CLDN8: variants seen among roughly 807,000 people sequenced by gnomAD.
The protein encoded by CLDN8 is claudin-8.
In CLDN8, 2 loss-of-function variants were observed where a neutral mutation model predicts 2.2. The ratio of observed to expected loss-of-function variants is 0.90; its 90% CI spans 0.37 to 2.82. The LOEUF (loss-of-function observed/expected upper bound fraction) is 2.82. Among genes scored for constraint, CLDN8 ranks in the 30% most tolerant of loss-of-function variants. The pLI is 0.10. For missense variants in CLDN8, 314 were observed against 280.5 expected (o/e 1.12, Z -0.85); for synonymous variants, 107 against 104.8 (o/e 1.02, Z -0.13).
In CLDN8 at chr21:30,216,066, G is replaced by T; in HGVS notation, c.-141C>A. On this transcript the variant is annotated 5_prime_UTR_variant, in exon 1 of 1. Coordinates refer to ENST00000399899, the MANE Select transcript of CLDN8 (RefSeq NM_199328.3). ...CCCAGTGGTTTTTCAAATAAGAGCT[G>T]CTTTGCTACTTCTGGCCAGATAGTA... The T allele has an allele frequency of 1.3e-6, 1 of 748,288 alleles. No homozygotes were observed. The highest frequency in any genetic ancestry group is 2.0e-5 in the South Asian group (1 of 50,560). The allele number at this position is 748,288 out of a possible 1,614,324, so 46.4% of individuals were successfully genotyped here.
At position 30,215,595 on chromosome 21, in the gene CLDN8, T is replaced by A; in HGVS notation, c.331A>T (p.Asn111Tyr). 1.9e-6 allele frequency: 3 copies of A among 1,614,090 alleles called. No homozygotes were observed. Among genetic ancestry groups the A allele is most frequent in the Non-Finnish European group, 2.5e-6 (3 of 1,180,000 alleles). ...GMKCTRCTGD[N>Y]EKVKAHILLT... ...AGAATGTGAGCCTTCACCTTCTCAT[T>A]GTCCCCCGTGCACCTGGTGCATTTC... is the stretch of plus-strand genomic sequence containing the variant. Residue 111 changes from asparagine (N) to tyrosine (Y), a missense_variant, in exon 1 of 1, where the codon AAT (asparagine) becomes TAT (tyrosine). Asn to Tyr is a moderately radical substitution (Grantham distance 143). Coordinates refer to ENST00000399899, the MANE Select transcript of CLDN8 (RefSeq NM_199328.3).
In CLDN8 at chr21:30,215,806, G is replaced by A. The variant is rs375641409; in HGVS notation, c.120C>T (p.Ile40=). ...WRVSAFIENN[I]VVFENFWEGL... is the part of the protein sequence containing the mutation. ...CTTCCCAGAAGTTTTCAAAAACCAC[G>A]ATGTTGTTTTCAATGAAGGCCGACA... The change falls in exon 1 of 1, where the codon ATC becomes ATT. Residue 40 remains isoleucine, a synonymous_variant. Transcript: ENST00000399899. 1.2e-6 allele frequency: 2 copies of A among 1,613,862 alleles called. No homozygotes were observed. Among genetic ancestry groups the A allele is most frequent in the Admixed American group, 1.7e-5 (1 of 59,974 alleles).
chr21:30,215,366 CAAAA>C lies in CLDN8; in HGVS notation c.556_559del (p.Phe186ValfsTer54). 2 of 1,614,108 alleles carry C rather than the reference CAAAA, an allele frequency of 1.2e-6. No homozygotes were observed. The highest frequency in any genetic ancestry group is 1.7e-6 in the Non-Finnish European group (2 of 1,180,016). The stretch of plus-strand genomic sequence containing the variant: ...GTAGCTACTGCTCTTTTCGTTGCAA[CAAAA>C]AACGCAGCAGAACAGAGCTCCTCCA... On this transcript the variant is annotated frameshift_variant, in exon 1 of 1. Transcript: ENST00000399899. LOFTEE classifies it low-confidence loss of function (END_TRUNC).
In CLDN8 at chr21:30,215,238, A is replaced by T. The variant is rs373609628; in HGVS notation, c.*10T>A. 4.2e-5 allele frequency: 67 copies of T among 1,605,466 alleles called. No homozygotes were observed. The highest frequency in any genetic ancestry group is 5.2e-5 in the Non-Finnish European group (61 of 1,173,968). ...ATGGCTTTATAGTAAAGTTAAAAAAACATACACAACTACACATACTGACTT... is the reference window on the plus strand; with the variant it reads ...ATGGCTTTATAGTAAAGTTAAAAAATCATACACAACTACACATACTGACTT... On this transcript the variant is annotated 3_prime_UTR_variant, in exon 1 of 1. Coordinates refer to ENST00000399899, the MANE Select transcript of CLDN8 (RefSeq NM_199328.3).
chr21:30,214,937 G>A lies in CLDN8; in HGVS notation c.*311C>T, dbSNP rs962270612. ...TATGTACATAATGCTATGTCGTGGA[G>A]AAATTACAGTAGTAAAATAATGCAG... On this transcript the variant is annotated 3_prime_UTR_variant, in exon 1 of 1. Transcript: ENST00000399899. 1.0e-5 allele frequency: 3 copies of A among 297,092 alleles called. No individual in the cohort carries two copies. Among genetic ancestry groups the A allele is most frequent in the Non-Finnish European group, 1.9e-5 (3 of 156,668 alleles). 18.4% of individuals were successfully genotyped at this position (297,092 alleles called of 1,614,324 possible).
At position 30,215,143 on chromosome 21, in the gene CLDN8, G is replaced by T; in HGVS notation, c.*105C>A. 2 of 910,466 alleles carry T rather than the reference G, an allele frequency of 2.2e-6. No homozygotes were observed. Among genetic ancestry groups the T allele is most frequent in the South Asian group, 3.3e-5 (2 of 61,008 alleles). The allele number at this position is 910,466 out of a possible 1,614,324, so 56.4% of individuals were successfully genotyped here. On this transcript the variant is annotated 3_prime_UTR_variant, in exon 1 of 1. Transcript: ENST00000399899. ...CAGTTCCTGTAATTAAGATTAGGCA[G>T]TTAAGAACAGTAAATCAAAGTTTCT...
rs751059004 is a variant in CLDN8, at chr21:30,215,167, C to G, written c.*81G>C. On this transcript the variant is annotated 3_prime_UTR_variant, in exon 1 of 1. Transcript: ENST00000399899. ...AGTTAAGAACAGTAAATCAAAGTTT[C>G]TTTGGGGTCCATTTTGAGAAAGTAA... The G allele has an allele frequency of 1.2e-4, 148 of 1,224,840 alleles. No homozygotes were observed. The highest frequency in any genetic ancestry group is 1.7e-4 in the Non-Finnish European group (142 of 856,990). 75.9% of individuals were successfully genotyped at this position (1,224,840 alleles called of 1,614,324 possible).
chr21:30,214,947 T>G lies in CLDN8; in HGVS notation c.*301A>C. ...ATGCTATGTCGTGGAGAAATTACAG[T>G]AGTAAAATAATGCAGTCTTTAGCAA... On this transcript the variant is annotated 3_prime_UTR_variant, in exon 1 of 1. Coordinates refer to ENST00000399899, the MANE Select transcript of CLDN8 (RefSeq NM_199328.3). 1 of 316,704 alleles carries G rather than the reference T, an allele frequency of 3.2e-6. No homozygotes were observed. The highest frequency in any genetic ancestry group is 5.9e-6 in the Non-Finnish European group (1 of 168,908). The allele number at this position is 316,704 out of a possible 1,614,324, so 19.6% of individuals were successfully genotyped here. A position where few individuals can be genotyped will look rare whatever the true frequency, so the allele number is the denominator to read the frequency against.
At position 30,215,980 on chromosome 21, in the gene CLDN8, T is replaced by A; in HGVS notation, c.-55A>T. 1 of 1,455,604 alleles carries A rather than the reference T, an allele frequency of 6.9e-7. No homozygotes were observed. Among genetic ancestry groups the A allele is most frequent in the Non-Finnish European group, 9.3e-7 (1 of 1,070,066 alleles). The allele number at this position is 1,455,604 out of a possible 1,614,324, so 90.2% of individuals were successfully genotyped here. On this transcript the variant is annotated 5_prime_UTR_variant, in exon 1 of 1. Transcript: ENST00000399899. ...GACTCCGGAACTGCTACTTCTGCTT[T>A]GAAGCAGGGTTCTCTGTGCCACAGA...
Position 30,215,173 on chromosome 21 carries a change from G to T in CLDN8, c.*75C>A. 7.9e-7 allele frequency: 1 copy of T among 1,269,628 alleles called. No homozygotes were observed. The highest frequency in any genetic ancestry group is 1.1e-6 in the Non-Finnish European group (1 of 894,074). The allele number at this position is 1,269,628 out of a possible 1,614,324, so 78.6% of individuals were successfully genotyped here. A position where few individuals can be genotyped will look rare whatever the true frequency, so the allele number is the denominator to read the frequency against. ...GAACAGTAAATCAAAGTTTCTTTGG[G>T]GTCCATTTTGAGAAAGTAATATAGA... On this transcript the variant is annotated 3_prime_UTR_variant, in exon 1 of 1. Coordinates refer to ENST00000399899, the MANE Select transcript of CLDN8 (RefSeq NM_199328.3).
chr21:30,215,239 C>T lies in CLDN8; in HGVS notation c.*9G>A, dbSNP rs199764335. 15 of 1,605,146 alleles carry T rather than the reference C, an allele frequency of 9.3e-6. No individual in the cohort carries two copies. The highest frequency in any genetic ancestry group is 1.2e-5 in the Non-Finnish European group (14 of 1,173,824). ...TGGCTTTATAGTAAAGTTAAAAAAA[C>T]ATACACAACTACACATACTGACTTC... On this transcript the variant is annotated 3_prime_UTR_variant, in exon 1 of 1. Transcript: ENST00000399899.
In CLDN8 at chr21:30,215,687, G is replaced by A; in HGVS notation, c.239C>T (p.Ala80Val). 1.2e-6 allele frequency: 2 copies of A among 1,614,100 alleles called. No homozygotes were observed. The highest frequency in any genetic ancestry group is 8.5e-7 in the Non-Finnish European group (1 of 1,180,020). The change falls in exon 1 of 1, where the codon GCC (alanine) becomes GTC (valine). Residue 80 changes from alanine (A) to valine (V), a missense_variant. Coordinates refer to ENST00000399899, the MANE Select transcript of CLDN8 (RefSeq NM_199328.3). ...GGAAGCAGCACACATCAGTCCTCTG[G>A]CTGCCTGTAGGTCCGGAGAAAGAGC... ...LLALSPDLQAARGLMCAASVM... is the reference protein window; with the variant it reads ...LLALSPDLQAVRGLMCAASVM...
rs1448978168 is a variant in CLDN8, at chr21:30,215,644, A to G, written c.282T>C (p.Ala94=). The G allele has an allele frequency of 1.2e-6, 2 of 1,614,100 alleles. No homozygotes were observed. Among genetic ancestry groups the G allele is most frequent in the Admixed American group, 1.7e-5 (1 of 60,020 alleles). Residue 94 remains alanine, a synonymous_variant, in exon 1 of 1, where the codon GCT becomes GCC. Coordinates refer to ENST00000399899, the MANE Select transcript of CLDN8 (RefSeq NM_199328.3). The part of the protein sequence containing the change: ...MCAASVMSFL[A]FMMAILGMKC... ...TCATGCCAAGGATGGCCATCATGAA[A>G]GCCAAGAAGGACATCACGGAAGCAG... is the stretch of plus-strand genomic sequence containing the variant.
rs956112679 is a variant in CLDN8, at chr21:30,214,014, T to C, written c.*1234A>G. The C allele has an allele frequency of 6.6e-6, 1 of 152,030 alleles. No individual in the cohort carries two copies. The highest frequency in any genetic ancestry group is 1.5e-5 in the Non-Finnish European group (1 of 67,982). 9.4% of individuals were successfully genotyped at this position (152,030 alleles called of 1,614,324 possible). On this transcript the variant is annotated 3_prime_UTR_variant, in exon 1 of 1. Transcript: ENST00000399899. ...AGACTTGTGAAAGAATGTCAAATAA[T>C]TAGAAAAATGTACAATTTATTAATA...
chr21:30,215,303 C>CT lies in CLDN8; in HGVS notation c.622dup (p.Ser208LysfsTer29), dbSNP rs769497921. 4 of 1,614,126 alleles carry CT rather than the reference C, an allele frequency of 2.5e-6. No homozygotes were observed. Among genetic ancestry groups the CT allele is most frequent in the Non-Finnish European group, 2.5e-6 (3 of 1,180,020 alleles). On this transcript the variant is annotated frameshift_variant, in exon 1 of 1. Coordinates refer to ENST00000399899, the MANE Select transcript of CLDN8 (RefSeq NM_199328.3). LOFTEE classifies it high-confidence loss of function. Reference sequence around the variant, plus strand: ...CGGTGACTTCTTTCCGGTGTGATAACTTTTTTGGGTTGTGCGATGGGAAGG... The same window carrying CT: ...CGGTGACTTCTTTCCGGTGTGATAACTTTTTTTGGGTTGTGCGATGGGAAGG...
At position 30,215,153 on chromosome 21, in the gene CLDN8, G is replaced by T; in HGVS notation, c.*95C>A. 9.8e-7 allele frequency: 1 copy of T among 1,022,764 alleles called. No homozygotes were observed. The highest frequency in any genetic ancestry group is 1.5e-6 in the Non-Finnish European group (1 of 680,370). The allele number at this position is 1,022,764 out of a possible 1,614,324, so 63.4% of individuals were successfully genotyped here. Reference sequence around the variant, plus strand: ...AATTAAGATTAGGCAGTTAAGAACAGTAAATCAAAGTTTCTTTGGGGTCCA... The same window carrying T: ...AATTAAGATTAGGCAGTTAAGAACATTAAATCAAAGTTTCTTTGGGGTCCA... On this transcript the variant is annotated 3_prime_UTR_variant, in exon 1 of 1. Coordinates refer to ENST00000399899, the MANE Select transcript of CLDN8 (RefSeq NM_199328.3).
chr21:30,215,938 T>C lies in CLDN8; in HGVS notation c.-13A>G. 1.9e-6 allele frequency: 3 copies of C among 1,585,992 alleles called. No individual in the cohort carries two copies. Among genetic ancestry groups the C allele is most frequent in the Middle Eastern group, 1.7e-4 (1 of 5,838 alleles). On this transcript the variant is annotated 5_prime_UTR_variant, in exon 1 of 1. Transcript: ENST00000399899. Reference sequence around the variant, plus strand: ...CATGGGTTGCCATTATCCTCTGGGATGAGTTTTAGCCAGCTGGACTCCGGA... The same window carrying C: ...CATGGGTTGCCATTATCCTCTGGGACGAGTTTTAGCCAGCTGGACTCCGGA...
Position 30,214,989 on chromosome 21 carries a change from A to G in CLDN8, c.*259T>C, listed in dbSNP as rs1978902958. Reference sequence around the variant, plus strand: ...CTTTAGCAATGTCATTTTGAAGTAAATGATAAAAAGAGTAGATGCTTGAAC... The same window carrying G: ...CTTTAGCAATGTCATTTTGAAGTAAGTGATAAAAAGAGTAGATGCTTGAAC... On this transcript the variant is annotated 3_prime_UTR_variant, in exon 1 of 1. Coordinates refer to ENST00000399899, the MANE Select transcript of CLDN8 (RefSeq NM_199328.3). 2.4e-6 allele frequency: 1 copy of G among 422,486 alleles called. No homozygotes were observed. Among genetic ancestry groups the G allele is most frequent in the Admixed American group, 4.0e-5 (1 of 25,172 alleles). The allele number at this position is 422,486 out of a possible 1,614,324, so 26.2% of individuals were successfully genotyped here. A position where few individuals can be genotyped will look rare whatever the true frequency, so the allele number is the denominator to read the frequency against.
At position 30,214,927 on chromosome 21, in the gene CLDN8, A is replaced by G. The variant is rs1978899957; in HGVS notation, c.*321T>C. ...TACACTCATCTATGTACATAATGCTATGTCGTGGAGAAATTACAGTAGTAA... is the reference window on the plus strand; with the variant it reads ...TACACTCATCTATGTACATAATGCTGTGTCGTGGAGAAATTACAGTAGTAA... On this transcript the variant is annotated 3_prime_UTR_variant, in exon 1 of 1. Transcript: ENST00000399899. 3.6e-6 allele frequency: 1 copy of G among 277,038 alleles called. No homozygotes were observed. Among genetic ancestry groups the G allele is most frequent in the African/African-American group, 2.2e-5 (1 of 45,836 alleles). 17.2% of individuals were successfully genotyped at this position (277,038 alleles called of 1,614,324 possible).
Sources: allele counts gnomAD v4.1 joint callset, GRCh38; gene constraint gnomAD v4.1.1; transcripts MANE v1.5; gene names NCBI Gene and HGNC (gene_info 2026-07-23, HGNC 2026-07-21).